The following FRMD3 variants were observed in gnomAD, a reference collection of about 807,000 sequenced individuals.
FRMD3 encodes the protein FERM domain containing 3.
Under a neutral mutation model 70.2 loss-of-function variants are expected in FRMD3, and 33 were observed. The observed-to-expected ratio is 0.47, with a 90% CI of 0.36 to 0.63. The LOEUF (loss-of-function observed/expected upper bound fraction) is 0.63. Ranked by LOEUF, FRMD3 falls within the 20% of genes least tolerant of loss-of-function variation. The pLI is 0.00. For synonymous variants in FRMD3, 279 were observed against 255.9 expected (o/e 1.09, Z -0.86); for missense variants, 632 against 711.4 (o/e 0.89, Z 1.27).
At chr9:83,288,942 C>T (rs1177426212) in intron 13 of FRMD3, among the ~76,000 whole-genome samples, 1 of 152,170 alleles carries the variant, frequency 6.6e-6, no homozygotes, top group Admixed American at 6.5e-5. Context: ...TCATTCAACC[C>T]ATCTGGGCCT....
intron 3 of FRMD3, among the ~76,000 whole-genome samples, chr9:83,369,251 A>G (rs1365904829): frequency 1.3e-5 from 2 of 152,182 alleles, no homozygotes; most frequent in African/African-American, 4.8e-5. Flanking sequence ...AAATACCAGA[A>G]GCCACCAAAA....
chr9:83,329,969 AC>A (rs965446278), intron 6 of FRMD3, among the ~76,000 whole-genome samples: 4 of 151,976 alleles, frequency 2.6e-5, no homozygotes, highest in East Asian at 1.9e-4. Context: ...TTGATCTTAA[AC>A]CCCTTCCGAG....
chr9:83,288,760 T>C (rs1834311272), intron 13 of FRMD3, among the ~76,000 whole-genome samples: 1 of 152,214 alleles, frequency 6.6e-6, no homozygotes, highest in South Asian at 2.1e-4. Flanking sequence ...AGTTGCTATG[T>C]CAAAAACACA....
chr9:83,503,975 G>A (rs1466612258), intron 1 of FRMD3, among the ~76,000 whole-genome samples: 1 of 152,210 alleles, frequency 6.6e-6, no homozygotes, highest in Non-Finnish European at 1.5e-5. Flanking sequence ...CTCTGTAGCT[G>A]GTGACAAGGG....
chr9:83,584,683 T>C, the FRMD3 span, among the ~76,000 whole-genome samples: 1 of 152,204 alleles, frequency 6.6e-6, no homozygotes, highest in African/African-American at 2.4e-5. Context: ...CCTCTTGTAA[T>C]TCTCCTTGAG....
intron 13 of FRMD3, among the ~76,000 whole-genome samples, chr9:83,263,030 G>C (rs567083294): frequency 6.6e-5 from 10 of 152,264 alleles, no homozygotes; most frequent in Admixed American, 1.3e-4. Flanking sequence ...TTTGAGAAAG[G>C]TTTTTACTTC....
chr9:83,484,484 C>A (rs1448877106), intron 1 of FRMD3, among the ~76,000 whole-genome samples: 1 of 152,152 alleles, frequency 6.6e-6, no homozygotes, highest in Non-Finnish European at 1.5e-5. Context: ...GTGGCATGAT[C>A]TCGGCTCTCT....
chr9:83,423,585 CTTTTT>C (rs869226126), intron 1 of FRMD3, among the ~76,000 whole-genome samples: 15 of 60,480 alleles, frequency 2.5e-4, no homozygotes, highest in African/African-American at 9.6e-4. Flanking sequence ...AGCCCTGTTT[CTTTTT>C]TTTTTTTTTT....
intron 1 of FRMD3, among the ~76,000 whole-genome samples, chr9:83,503,986 C>T (rs549601497): frequency 6.6e-5 from 10 of 152,268 alleles, no homozygotes; most frequent in African/African-American, 2.4e-4. Context: ...GTGACAAGGG[C>T]GGGAGTGGGG....
At chr9:83,315,251 CAG>C (rs1429593235) in intron 6 of FRMD3, among the ~76,000 whole-genome samples, 1 of 152,084 alleles carries the variant, frequency 6.6e-6, no homozygotes, top group African/African-American at 2.4e-5. Context: ...TATGCTGACT[CAG>C]AGTCTGTAAT....
At chr9:83,518,232 A>T (rs932876699) in intron 1 of FRMD3, among the ~76,000 whole-genome samples, 3 of 152,212 alleles carry the variant, frequency 2.0e-5, no homozygotes, top group African/African-American at 7.2e-5. Flanking sequence ...TTGTATATTT[A>T]GAAAACCCCA....
chr9:83,476,549 T>C (rs1587891322), intron 1 of FRMD3, among the ~76,000 whole-genome samples: 1 of 152,160 alleles, frequency 6.6e-6, no homozygotes, highest in South Asian at 2.1e-4. Flanking sequence ...GTTGGAGATG[T>C]GCCTCAATAA....
At chr9:83,402,898 CTT>C (rs559570925) in intron 1 of FRMD3, among the ~76,000 whole-genome samples, 460 of 87,208 alleles carry the variant, frequency 5.3e-3, no homozygotes, top group South Asian at 9.8e-3. Flanking sequence ...TTCTTTCTTT[CTT>C]TTTTTTTTTT....
chr9:83,442,894 A>G (rs1827344497), intron 1 of FRMD3, among the ~76,000 whole-genome samples: 2 of 152,218 alleles, frequency 1.3e-5, no homozygotes, highest in Admixed American at 1.3e-4. Context: ...CAGTAGTCAT[A>G]AAAAGACTTC....
chr9:83,404,711 T>C lies in FRMD3; in HGVS notation c.148-15003A>G, dbSNP rs1039293308. ...TTATATGTACACACACATACATACA[T>C]ATACATGCAGACAAAAAGTAAAGAT... On this transcript the variant is annotated intron_variant, in intron 1 of 13. Coordinates refer to ENST00000304195, the MANE Select transcript of FRMD3 (RefSeq NM_174938.6). 4.1e-4 allele frequency among the ~76,000 whole-genome samples: 63 copies of C among 152,358 alleles called. 1 individual carries two copies. Among genetic ancestry groups the C allele is most frequent in the African/African-American group, 1.4e-3 (58 of 41,582 alleles).
At chr9:83,331,495 T>C (rs2131127783) in intron 6 of FRMD3, among the ~76,000 whole-genome samples, 1 of 152,296 alleles carries the variant, frequency 6.6e-6, no homozygotes, top group East Asian at 1.9e-4. Context: ...TATGATACTA[T>C]AATGGTATTG....
At chr9:83,439,319 C>T (rs1201992858) in intron 1 of FRMD3, among the ~76,000 whole-genome samples, 1 of 152,224 alleles carries the variant, frequency 6.6e-6, no homozygotes, top group Non-Finnish European at 1.5e-5. Context: ...TGACCAATGG[C>T]CAAGGGAAGC....
At chr9:83,490,431 G>A (rs562687832) in intron 1 of FRMD3, among the ~76,000 whole-genome samples, 7 of 151,974 alleles carry the variant, frequency 4.6e-5, no homozygotes, top group African/African-American at 1.7e-4. Context: ...TGGGATTACA[G>A]GCGCCCACCA....
At chr9:83,441,293 C>T (rs1030901228) in intron 1 of FRMD3, among the ~76,000 whole-genome samples, 3 of 152,088 alleles carry the variant, frequency 2.0e-5, no homozygotes, top group South Asian at 2.1e-4. Flanking sequence ...TTGAAAAGAA[C>T]GTGGGAATGC....
Sources: allele counts gnomAD v4.1 joint callset (sites outside exome capture counted in the v4.1 genomes callset), GRCh38; gene constraint gnomAD v4.1.1; transcripts MANE v1.5; gene names NCBI Gene and HGNC (gene_info 2026-07-23, HGNC 2026-07-21).